The following ATF3 variants were observed in gnomAD, a reference collection of about 807,000 sequenced individuals.
ATF3 encodes cyclic AMP-dependent transcription factor ATF-3.
ATF3 carries 10 observed loss-of-function variants against 18.4 expected under a neutral mutation model. The observed-to-expected ratio is 0.54, with a 90% CI of 0.34 to 0.92. ATF3 has a LOEUF of 0.92. ATF3 is among the 40% of genes least tolerant of loss of function. The pLI, the probability that ATF3 is intolerant of heterozygous loss-of-function variation, is 0.02. For missense variants in ATF3, 183 were observed against 222.3 expected (o/e 0.82, Z 1.12); for synonymous variants, 78 against 87.9 (o/e 0.89, Z 0.63).
At chr1:212,600,641 T>C (rs1654455035) in intron 1 of ATF3, among the ~76,000 whole-genome samples, 1 of 152,174 alleles carries the variant, frequency 6.6e-6, no homozygotes, top group Non-Finnish European at 1.5e-5. Context: ...CGGCTCAACA[T>C]CCAGCTCGAC....
chr1:212,568,392 C>T (rs903211922), intron 1 of ATF3, among the ~76,000 whole-genome samples: 1 of 152,126 alleles, frequency 6.6e-6, no homozygotes. Context: ...AGTATATATC[C>T]TTTGCATGCT....
At chr1:212,583,381 C>G (rs114978139) in intron 1 of ATF3, among the ~76,000 whole-genome samples, 2,011 of 152,214 alleles carry the variant, frequency 0.013, 24 homozygotes, top group Non-Finnish European at 0.023. Flanking sequence ...CTTTATCAGT[C>G]AAGATGCCAG....
chr1:212,619,330 C>G lies in ATF3; in HGVS notation c.349-28C>G, dbSNP rs372541088. On this transcript the variant is annotated intron_variant, in intron 3 of 3. Coordinates refer to ENST00000341491, the MANE Select transcript of ATF3 (RefSeq NM_001674.4). This position sits in a 1 kb window ranked among gnomAD's most constrained non-coding sequence, Gnocchi z 4.4. Reference sequence around the variant, plus strand: ...CTCCTCACTGGCCCTTGGCTCCTTTCTTGATGCCTCTGTTGCTTGTCCCCC... The same window carrying G: ...CTCCTCACTGGCCCTTGGCTCCTTTGTTGATGCCTCTGTTGCTTGTCCCCC... 13 of 1,612,524 alleles carry G rather than the reference C, an allele frequency of 8.1e-6. No homozygotes were observed. The highest frequency in any genetic ancestry group is 1.1e-5 in the Non-Finnish European group (13 of 1,180,024).
chr1:212,570,164 T>C (rs546729250), intron 1 of ATF3, among the ~76,000 whole-genome samples: 5 of 152,184 alleles, frequency 3.3e-5, no homozygotes, highest in Non-Finnish European at 5.9e-5. Context: ...AATAATTCCC[T>C]GGCTTGACAT....
At chr1:212,575,000 A>C (rs939821001) in intron 1 of ATF3, among the ~76,000 whole-genome samples, 2 of 148,988 alleles carry the variant, frequency 1.3e-5, no homozygotes, top group Non-Finnish European at 2.9e-5. Context: ...TAGCTTCTTA[A>C]GAATTGTGCA....
At chr1:212,607,730 C>T (rs1025918934), upstream of ATF3, among the ~76,000 whole-genome samples, 1 of 152,226 alleles carries the variant, frequency 6.6e-6, no homozygotes, top group African/African-American at 2.4e-5. Context: ...GACCCCCAGG[C>T]CTGGGCAGGT....
At chr1:212,583,342 C>T (rs1664719281) in intron 1 of ATF3, among the ~76,000 whole-genome samples, 1 of 152,124 alleles carries the variant, frequency 6.6e-6, no homozygotes, top group Non-Finnish European at 1.5e-5. Context: ...AAGTGATCCT[C>T]CTGTTTCAGC....
At chr1:212,602,562 T>G (rs1387587902) in intron 1 of ATF3, among the ~76,000 whole-genome samples, 2 of 152,158 alleles carry the variant, frequency 1.3e-5, no homozygotes, top group African/African-American at 4.8e-5. Flanking sequence ...GGAGTCAGAC[T>G]GCCTGGGTTG....
chr1:212,568,191 T>C (rs984084653), intron 1 of ATF3, among the ~76,000 whole-genome samples: 1 of 152,006 alleles, frequency 6.6e-6, no homozygotes, highest in Non-Finnish European at 1.5e-5. Flanking sequence ...ACATGGAGAG[T>C]GGTCAATAAT....
chr1:212,589,159 A>G (rs1018728256), intron 1 of ATF3, among the ~76,000 whole-genome samples: 2 of 152,026 alleles, frequency 1.3e-5, no homozygotes, highest in Non-Finnish European at 2.9e-5. Flanking sequence ...ATCCTAGCAC[A>G]CTCGGCATCA....
At chr1:212,614,974 C>T (rs1655046147) in intron 1 of ATF3, 44 bp from the exon 2 acceptor site, 1 of 1,613,988 alleles carries the variant, frequency 6.2e-7, no homozygotes, top group Non-Finnish European at 8.5e-7. Flanking sequence ...TGATCCCATG[C>T]CCCAGAGCCC....
intron 1 of ATF3, among the ~76,000 whole-genome samples, chr1:212,572,973 A>G (rs1664512664): frequency 6.6e-6 from 1 of 152,144 alleles, no homozygotes. Flanking sequence ...TTTTATATTT[A>G]GCAGTTTTCT....
chr1:212,615,876 G>A (rs12744239), intron 2 of ATF3, among the ~76,000 whole-genome samples: 98,329 of 148,608 alleles, frequency 0.66, 32,855 homozygotes, highest in African/African-American at 0.72. Context: ...TGTAGCCTCA[G>A]TCTCCTGGGC....
At chr1:212,578,884 C>T (rs142202086) in intron 1 of ATF3, among the ~76,000 whole-genome samples, 55 of 152,076 alleles carry the variant, frequency 3.6e-4, no homozygotes, top group South Asian at 1.2e-3. Flanking sequence ...TGCTCAGTGA[C>T]GATAGGGACA....
intron 1 of ATF3, among the ~76,000 whole-genome samples, chr1:212,614,607 A>G (rs2102657414): frequency 1.3e-5 from 2 of 148,876 alleles, no homozygotes; most frequent in South Asian, 4.3e-4. Flanking sequence ...AAAAAAAGAG[A>G]GAGAGAGAGA....
At chr1:212,565,568 T>TG (rs1248651971) in intron 1 of ATF3, 1 of 152,100 alleles carries the variant, frequency 6.6e-6, no homozygotes, top group Non-Finnish European at 1.5e-5. Context: ...AGCCTCCAGT[T>TG]GGGGGAGTAC....
At chr1:212,576,442 T>C (rs1361148124) in intron 1 of ATF3, among the ~76,000 whole-genome samples, 1 of 151,826 alleles carries the variant, frequency 6.6e-6, no homozygotes, top group Non-Finnish European at 1.5e-5. Flanking sequence ...TCTTCTCTTA[T>C]ATTATTTTCT....
At chr1:212,615,717 C>T (rs1175209118) in intron 2 of ATF3, among the ~76,000 whole-genome samples, 1 of 151,064 alleles carries the variant, frequency 6.6e-6, no homozygotes, top group Non-Finnish European at 1.5e-5. Context: ...GGTGGGAGGA[C>T]CGCTTGAGCC....
intron 1 of ATF3, among the ~76,000 whole-genome samples, chr1:212,568,464 C>T (rs183874540): frequency 6.6e-6 from 1 of 152,298 alleles, no homozygotes; most frequent in East Asian, 1.9e-4. Flanking sequence ...CATCGACCTA[C>T]CCTGAACTAA....
Sources: gnomAD v4.1 joint callset for allele counts (sites outside exome capture counted in the v4.1 genomes callset) on GRCh38, gnomAD v4.1.1 for gene constraint, Gnocchi (gnomAD v3.1) non-coding constraint, MANE v1.5 for transcripts, NCBI Gene and HGNC (gene_info 2026-07-23, HGNC 2026-07-21) for gene names.